EPS15: variants seen among roughly 807,000 people sequenced by gnomAD.
The protein encoded by EPS15 is epidermal growth factor receptor pathway substrate 15, also known as epidermal growth factor receptor substrate 15.
Under a neutral mutation model 113.8 loss-of-function variants are expected in EPS15, and 72 were observed. The observed-to-expected ratio is 0.63, with a 90% CI of 0.52 to 0.77. The LOEUF is 0.77. Ranked by LOEUF, EPS15 falls within the 30% of genes least tolerant of loss-of-function variation. The pLI is 0.00. For missense variants in EPS15, 1,048 were observed against 1,045.8 expected, an observed-to-expected ratio of 1.00 and a Z score of -0.03; for synonymous variants, 344 against 363.4, an observed-to-expected ratio of 0.95 and a Z score of 0.61.
At chr1:51,365,842 T>C (rs1646495702) in intron 22 of EPS15, 111 bp downstream of exon 22, 1 of 611,222 alleles carries the variant, frequency 1.6e-6, no homozygotes, top group Non-Finnish European at 2.8e-6. Flanking sequence ...TTGCTGTGAT[T>C]TACTGAAATC....
At chr1:51,492,101 G>A (rs920750822) in intron 1 of EPS15, among the ~76,000 whole-genome samples, 6 of 151,810 alleles carry the variant, frequency 4.0e-5, no homozygotes, top group African/African-American at 9.7e-5. Context: ...CACCTGCCTC[G>A]GCCTCCCAAA....
At chr1:51,393,830 G>A (rs964304471) in intron 21 of EPS15, among the ~76,000 whole-genome samples, 7 of 152,116 alleles carry the variant, frequency 4.6e-5, no homozygotes, top group Non-Finnish European at 8.8e-5. Context: ...TAAACTGTAC[G>A]ATCTTGATGA....
chr1:51,499,661 T>C (rs181739721), intron 1 of EPS15, among the ~76,000 whole-genome samples: 74 of 151,836 alleles, frequency 4.9e-4, no homozygotes, highest in African/African-American at 1.5e-3. Flanking sequence ...TGGCTTCTCA[T>C]TGTGATTATA....
intron 1 of EPS15, among the ~76,000 whole-genome samples, chr1:51,516,422 A>G (rs2148573064): frequency 6.6e-6 from 1 of 152,318 alleles, no homozygotes; most frequent in African/African-American, 2.4e-5. Flanking sequence ...AAGTTAAGAA[A>G]ACTGAGGCCT....
At chr1:51,423,287 C>G (rs897178253) in intron 12 of EPS15, 1 of 1,287,266 alleles carries the variant, frequency 7.8e-7, no homozygotes, top group Non-Finnish European at 1.0e-6. Flanking sequence ...ATTGTTGCAG[C>G]CCGATCCTTC....
chr1:51,493,607 T>C (rs1644279538), intron 1 of EPS15, among the ~76,000 whole-genome samples: 1 of 151,248 alleles, frequency 6.6e-6, no homozygotes, highest in Non-Finnish European at 1.5e-5. Flanking sequence ...TTTGAGGCTC[T>C]TAACTTTCTT....
chr1:51,415,006 T>C (rs868071501), intron 13 of EPS15, among the ~76,000 whole-genome samples: 20 of 152,144 alleles, frequency 1.3e-4, no homozygotes, highest in African/African-American at 4.8e-4. Context: ...AATCAGAAAA[T>C]GTCAAGTTTG....
chr1:51,405,953 A>C lies in EPS15; in HGVS notation c.1629T>G (p.Val543=). 6.2e-7 allele frequency: 1 copy of C among 1,614,166 alleles called. No individual in the cohort carries two copies. Among genetic ancestry groups the C allele is most frequent in the Non-Finnish European group, 8.5e-7 (1 of 1,180,014 alleles). Residue 543 remains valine, a synonymous_variant, in exon 16 of 25, where the codon GTT becomes GTG. Coordinates refer to ENST00000371733, the MANE Select transcript of EPS15 (RefSeq NM_001981.3). The part of the protein sequence containing the change: ...SSETANLNEH[V]EGQSNLESEP... ...CAGACTCTAGGTTGCTCTGGCCTTC[A>C]ACATGTTCATTAAGGTTGGCTGTTT... is the stretch of plus-strand genomic sequence containing the variant.
chr1:51,426,817 G>GTCTCTCTCTCTCTCTC (rs35528783), intron 12 of EPS15, among the ~76,000 whole-genome samples: 63 of 145,734 alleles, frequency 4.3e-4, no homozygotes, highest in Non-Finnish European at 5.8e-4. Flanking sequence ...AAATAAATCT[G>GTCTCTCTCTCTCTCTC]TCTCTCTCTC....
At chr1:51,496,432 G>T (rs928450551) in intron 1 of EPS15, among the ~76,000 whole-genome samples, 4 of 152,124 alleles carry the variant, frequency 2.6e-5, no homozygotes, top group Non-Finnish European at 5.9e-5. Context: ...ACCTTTAGTT[G>T]TAAGTGCCAC....
At chr1:51,365,294 A>T (rs1360890454) in intron 22 of EPS15, among the ~76,000 whole-genome samples, 1 of 152,192 alleles carries the variant, frequency 6.6e-6, no homozygotes, top group Non-Finnish European at 1.5e-5. Context: ...GGGGCTAGAG[A>T]GTGGACTGTA....
intron 1 of EPS15, among the ~76,000 whole-genome samples, chr1:51,486,854 A>G (rs1644133439): frequency 6.6e-6 from 1 of 151,886 alleles, no homozygotes; most frequent in Non-Finnish European, 1.5e-5. Context: ...TTTTTAGTAG[A>G]GACGGGGGCT....
intron 21 of EPS15, among the ~76,000 whole-genome samples, chr1:51,387,258 C>A (rs1570159771): frequency 6.6e-6 from 1 of 151,906 alleles, no homozygotes; most frequent in East Asian, 1.9e-4. Context: ...ACTTTACAGA[C>A]AAGCAAATGC....
intron 1 of EPS15, among the ~76,000 whole-genome samples, chr1:51,492,982 C>G (rs1471529779): frequency 6.6e-6 from 1 of 152,182 alleles, no homozygotes; most frequent in Middle Eastern, 3.2e-3. Flanking sequence ...AATCCCAGCA[C>G]TTTGGGAGGC....
intron 21 of EPS15, among the ~76,000 whole-genome samples, chr1:51,371,494 GAA>G (rs1007826342): frequency 8.0e-6 from 1 of 125,224 alleles, no homozygotes; most frequent in Non-Finnish European, 1.7e-5. Flanking sequence ...TTACATTTAA[GAA>G]AAAAGTTTAA....
At position 51,361,257 on chromosome 1, in the gene EPS15, G is replaced by A; in HGVS notation, c.2458C>T (p.Pro820Ser). ...GTGAATGGATCACAAAATATTTCAGGATCTTTTTCTTTGGGGCTATCGTTG... is the reference window on the plus strand; with the variant it reads ...GTGAATGGATCACAAAATATTTCAGAATCTTTTTCTTTGGGGCTATCGTTG... ...PGNDSPKEKD[P>S]EIFCDPFTSA... The change falls in exon 24 of 25, where the codon CCT becomes TCT. Residue 820 changes from proline to serine, a missense_variant. Transcript: ENST00000371733. The A allele has an allele frequency of 6.2e-7, 1 of 1,613,770 alleles. No individual in the cohort carries two copies. Among genetic ancestry groups the A allele is most frequent in the East Asian group, 2.2e-5 (1 of 44,860 alleles).
At chr1:51,465,229 G>C in intron 6 of EPS15, 32 bp downstream of exon 6, 1 of 1,375,108 alleles carries the variant, frequency 7.3e-7, no homozygotes. Flanking sequence ...AAGCAATGAA[G>C]GGGTGAGAGA....
chr1:51,439,006 T>G (rs1179499683), intron 12 of EPS15, among the ~76,000 whole-genome samples: 6 of 152,220 alleles, frequency 3.9e-5, no homozygotes, highest in Middle Eastern at 3.4e-3. Context: ...CAGACTGAAT[T>G]TCAGGTCTTT....
At chr1:51,366,360 A>G (rs571513910) in intron 21 of EPS15, among the ~76,000 whole-genome samples, 12 of 152,266 alleles carry the variant, frequency 7.9e-5, no homozygotes, top group Admixed American at 3.3e-4. Flanking sequence ...GAGCCACCAA[A>G]CCCAGCCAAG....
Sources: gnomAD v4.1 joint callset for allele counts (sites outside exome capture counted in the v4.1 genomes callset) on GRCh38, gnomAD v4.1.1 for gene constraint, MANE v1.5 for transcripts, NCBI Gene and HGNC (gene_info 2026-07-23, HGNC 2026-07-21) for gene names.